The following MYO3A variants were observed in gnomAD, a reference collection of about 807,000 sequenced individuals.
MYO3A encodes myosin-IIIa.
A neutral mutation model predicts 192.7 loss-of-function variants in MYO3A; 180 were observed. That is an observed-to-expected ratio of 0.93 (90% CI 0.83 to 1.06). The LOEUF (loss-of-function observed/expected upper bound fraction) is 1.06, where lower values mean the gene tolerates loss of function less well. MYO3A is among the 50% of genes least tolerant of loss of function. MYO3A has a pLI of 0.00. For missense variants in MYO3A, 1,896 were observed against 1,905.0 expected (o/e 1.00, Z 0.09); for synonymous variants, 628 against 645.3 (o/e 0.97, Z 0.41).
intron 17 of MYO3A, among the ~76,000 whole-genome samples, chr10:26,109,893 G>C (rs1402893774): frequency 1.3e-5 from 2 of 152,122 alleles, no homozygotes; most frequent in Non-Finnish European, 2.9e-5. Context: ...GAATCTGGAA[G>C]GCTATTTCCA....
At chr10:25,963,854 T>C (rs1391834883) in intron 4 of MYO3A, among the ~76,000 whole-genome samples, 1 of 152,006 alleles carries the variant, frequency 6.6e-6, no homozygotes, top group African/African-American at 2.4e-5. Context: ...AGGAAATTTA[T>C]ACATAATATA....
At chr10:26,138,403 A>G (rs1046445614) in intron 20 of MYO3A, among the ~76,000 whole-genome samples, 1 of 152,180 alleles carries the variant, frequency 6.6e-6, no homozygotes, top group African/African-American at 2.4e-5. Context: ...TTCCAACTGT[A>G]TTTTTTATTA....
At chr10:26,095,904 C>T (rs929514136) in intron 15 of MYO3A, among the ~76,000 whole-genome samples, 2 of 152,128 alleles carry the variant, frequency 1.3e-5, no homozygotes, top group African/African-American at 4.8e-5. Flanking sequence ...AACTCTGTGG[C>T]TTTGGGGGAG....
intron 2 of MYO3A, among the ~76,000 whole-genome samples, chr10:25,949,594 G>A (rs1360066365): frequency 6.6e-6 from 1 of 151,982 alleles, no homozygotes; most frequent in Non-Finnish European, 1.5e-5. Context: ...AATTTCATAA[G>A]GATTAAGTGT....
At position 26,134,600 on chromosome 10, in the gene MYO3A, G is replaced by A. The variant is rs1332467137; in HGVS notation, c.2262+6062G>A. Among the ~76,000 whole-genome samples, 5 of 152,194 alleles carry A rather than the reference G, an allele frequency of 3.3e-5. No individual in the cohort carries two copies. The South Asian group carries it at 8.3e-4, about 25-fold the overall frequency. ...TTGTGGAATAAACACCATGTAAAGGGTACACAGGAGTTCTTTGTACTATTC... is the reference window on the plus strand; with the variant it reads ...TTGTGGAATAAACACCATGTAAAGGATACACAGGAGTTCTTTGTACTATTC... On this transcript the variant is annotated intron_variant, in intron 20 of 34. Transcript: ENST00000642920.
chr10:26,058,037 A>T (rs1564504099), intron 10 of MYO3A, among the ~76,000 whole-genome samples: 1 of 152,214 alleles, frequency 6.6e-6, no homozygotes, highest in Non-Finnish European at 1.5e-5. Context: ...TTGGTGTTGT[A>T]CATTCAATAG....
intron 15 of MYO3A, among the ~76,000 whole-genome samples, chr10:26,088,891 A>G (rs2131512727): frequency 6.6e-6 from 1 of 152,346 alleles, no homozygotes; most frequent in Admixed American, 6.5e-5. Flanking sequence ...TTAAGCCATC[A>G]ATACTCTTCA....
At chr10:26,050,551 T>C (rs1588862269) in intron 10 of MYO3A, among the ~76,000 whole-genome samples, 1 of 152,256 alleles carries the variant, frequency 6.6e-6, no homozygotes, top group Non-Finnish European at 1.5e-5. Context: ...TCTATGCTTT[T>C]ACTTGTCTCT....
chr10:25,988,120 CA>C, intron 4 of MYO3A, among the ~76,000 whole-genome samples: 1 of 152,156 alleles, frequency 6.6e-6, no homozygotes, highest in African/African-American at 2.4e-5. Context: ...AATGGAAAAC[CA>C]AACATCATAT....
At chr10:26,136,678 G>A (rs1198426316) in intron 20 of MYO3A, among the ~76,000 whole-genome samples, 3 of 152,184 alleles carry the variant, frequency 2.0e-5, no homozygotes, top group South Asian at 4.1e-4. Flanking sequence ...CTTAAGCAGT[G>A]TTCATCTACT....
chr10:26,062,530 A>AAAAAAAAAAAAAAAAACAAAAAAAAACG (rs1554816581), intron 10 of MYO3A, among the ~76,000 whole-genome samples: 14 of 125,946 alleles, frequency 1.1e-4, no homozygotes, highest in African/African-American at 1.7e-4. Context: ...AAAAAAAAAA[A>AAAAAAAAAAAAAAAAACAAAAAAAAACG]AAATTATGGA....
chr10:26,197,191 A>AG (rs751973063), intron 32 of MYO3A, among the ~76,000 whole-genome samples: 83 of 152,310 alleles, frequency 5.4e-4, no homozygotes, highest in Admixed American at 9.2e-4. Context: ...TTACAGATTC[A>AG]GGCCAGGGAT....
Position 26,169,546 on chromosome 10 carries a change from T to A in MYO3A, c.3274+672T>A, listed in dbSNP as rs182678967. 2.0e-5 allele frequency among the ~76,000 whole-genome samples: 3 copies of A among 152,306 alleles called. No individual in the cohort carries two copies. The East Asian group carries it at 5.8e-4, about 29-fold the overall frequency. ...ATCTTTTTAATTCTAGTCTATTCCA[T>A]TTCATTTTTAGATGCTAGATTTGGC... On this transcript the variant is annotated intron_variant, in intron 28 of 34. Transcript: ENST00000642920.
chr10:26,093,356 TTTA>T (rs2131541698), intron 15 of MYO3A, among the ~76,000 whole-genome samples: 1 of 152,312 alleles, frequency 6.6e-6, no homozygotes, highest in South Asian at 2.1e-4. Flanking sequence ...TAGAGAAGTT[TTTA>T]TTATTTTGTG....
chr10:26,026,227 T>C, intron 9 of MYO3A, 150 bp from the exon 10 acceptor site: 2 of 923,990 alleles, frequency 2.2e-6, no homozygotes, highest in East Asian at 2.6e-5. Context: ...TTTTGAGAGA[T>C]TAAAAATTGC....
chr10:26,021,638 A>G lies in MYO3A; in HGVS notation c.721A>G (p.Lys241Glu). ...CCTTCATCCCATGAGAGCACTCTTC[A>G]AAATACCAAGGTCAGATGACTAACA... is the stretch of plus-strand genomic sequence containing the variant. Reference protein sequence around the residue: ...ADLHPMRALFKIPRNPPPKLR... With the variant: ...ADLHPMRALFEIPRNPPPKLR... The change falls in exon 8 of 35, where the codon AAA becomes GAA. Residue 241 changes from lysine to glutamate, a missense_variant. By Grantham distance (56) the Lys-to-Glu change is moderately conservative (BLOSUM62 1). Coordinates refer to ENST00000642920, the MANE Select transcript of MYO3A (RefSeq NM_017433.5). 1.2e-6 allele frequency: 2 copies of G among 1,614,094 alleles called. No individual in the cohort carries two copies. The highest frequency in any genetic ancestry group is 1.7e-6 in the Non-Finnish European group (2 of 1,179,964).
rs1362661115 is a variant in MYO3A at position 26,174,554 on chromosome 10, AC to A, written c.4291del (p.Gln1431ArgfsTer16). 1 of 1,612,840 alleles carries A rather than the reference AC, an allele frequency of 6.2e-7. No individual in the cohort carries two copies. The highest frequency in any genetic ancestry group is 1.1e-5 in the South Asian group (1 of 90,870). On this transcript the variant is annotated frameshift_variant and splice_region_variant, in exon 30 of 35. Coordinates refer to ENST00000642920, the MANE Select transcript of MYO3A (RefSeq NM_017433.5). LOFTEE classifies it high-confidence loss of function. ...CATGTGGTTTGGCAATTTTTTCAAA[AC>A]AGGTATGTGAATAAATAAATTTATT... ...EACGLAIFSKQISKLSEEYFI... is the reference protein window; with the variant it reads ...EACGLAIFSKXISKLSEEYFI...
intron 10 of MYO3A, among the ~76,000 whole-genome samples, chr10:26,057,592 A>T (rs1834187956): frequency 6.6e-6 from 1 of 152,206 alleles, no homozygotes; most frequent in South Asian, 2.1e-4. Context: ...ATGAGCTAGG[A>T]AGTCACCCTC....
chr10:26,091,406 C>A (rs886291826), intron 15 of MYO3A, among the ~76,000 whole-genome samples: 5 of 152,164 alleles, frequency 3.3e-5, no homozygotes, highest in African/African-American at 9.7e-5. Flanking sequence ...AAAGAGGCTA[C>A]TTAATTTCAA....
Sources: allele counts gnomAD v4.1 joint callset (sites outside exome capture counted in the v4.1 genomes callset), GRCh38; gene constraint gnomAD v4.1.1; transcripts MANE v1.5; gene names NCBI Gene and HGNC (gene_info 2026-07-23, HGNC 2026-07-21).